The following NRCAM variants were observed in gnomAD, a reference collection of about 807,000 sequenced individuals.
The protein encoded by NRCAM is neuronal cell adhesion molecule.
NRCAM carries 83 observed loss-of-function variants against 156.5 expected under a neutral mutation model. The observed-to-expected ratio is 0.53, with a 90% CI of 0.44 to 0.64. The LOEUF (loss-of-function observed/expected upper bound fraction) is 0.64. NRCAM is among the 30% of genes least tolerant of loss of function. The probability of loss-of-function intolerance (pLI) is 0.00; values close to 1 mark genes in which losing one functional copy is unlikely to be tolerated. For missense variants in NRCAM, 1,417 were observed against 1,597.3 expected, an observed-to-expected ratio of 0.89 and a Z score of 1.92; for synonymous variants, 538 against 563.9, an observed-to-expected ratio of 0.95 and a Z score of 0.65.
At chr7:108,450,111 T>G (rs1419391994) in intron 1 of NRCAM, among the ~76,000 whole-genome samples, 1 of 152,182 alleles carries the variant, frequency 6.6e-6, no homozygotes, top group Non-Finnish European at 1.5e-5. Context: ...TAAACCATGT[T>G]TTAGTCCAGG....
chr7:108,172,630 CCAAT>C (rs1370692659), intron 28 of NRCAM, among the ~76,000 whole-genome samples: 1 of 152,112 alleles, frequency 6.6e-6, no homozygotes, highest in Admixed American at 6.6e-5. Flanking sequence ...AAAAAATATG[CCAAT>C]CAACTATAAT....
chr7:108,246,858 T>C (rs1039125813), intron 3 of NRCAM, among the ~76,000 whole-genome samples: 3 of 152,246 alleles, frequency 2.0e-5, no homozygotes, highest in African/African-American at 4.8e-5. Flanking sequence ...CCAGTATCCA[T>C]GCCCTTGCAT....
chr7:108,397,195 A>C (rs1342435748), intron 2 of NRCAM, among the ~76,000 whole-genome samples: 1 of 152,180 alleles, frequency 6.6e-6, no homozygotes, highest in Non-Finnish European at 1.5e-5. Context: ...TAAGTTACTT[A>C]ATTTTGCCTC....
At chr7:108,236,200 A>C (rs1343365858) in intron 5 of NRCAM, among the ~76,000 whole-genome samples, 4 of 152,094 alleles carry the variant, frequency 2.6e-5, no homozygotes, top group Admixed American at 2.0e-4. Context: ...CAGTCTTATA[A>C]ATCTATAAAC....
In NRCAM at chr7:108,181,911, G is replaced by T; in HGVS notation, c.2557C>A (p.Arg853Ser). 1 of 1,613,962 alleles carries T rather than the reference G, an allele frequency of 6.2e-7. No homozygotes were observed. Among genetic ancestry groups the T allele is most frequent in the Non-Finnish European group, 8.5e-7 (1 of 1,179,898 alleles). The change falls in exon 24 of 33, where the codon CGT (arginine) becomes AGT (serine). Residue 853 changes from arginine (R) to serine (S), a missense_variant. Arg to Ser is a moderately radical substitution (Grantham distance 110). Around this residue, in one of 2 missense-constraint regions of NRCAM, gnomAD observed 1,238 missense variants for 1,336.4 expected, o/e 0.93. Coordinates refer to ENST00000379028, the MANE Select transcript of NRCAM (RefSeq NM_001037132.4). ...DLPMVAPGNV[R>S]VNVVNSTLAE... ...AAGGTACTGTTCACCACATTCACACGCACGTTCCCAGGAGCCACCATTGGG... is the reference window on the plus strand; with the variant it reads ...AAGGTACTGTTCACCACATTCACACTCACGTTCCCAGGAGCCACCATTGGG...
intron 18 of NRCAM, 62 bp from the exon 19 acceptor site, chr7:108,191,345 G>T: frequency 2.4e-6 from 3 of 1,241,630 alleles, no homozygotes; most frequent in Non-Finnish European, 3.4e-6. Context: ...ATACAAGATA[G>T]CACAAGATGA....
intron 3 of NRCAM, among the ~76,000 whole-genome samples, chr7:108,274,706 C>T (rs1342005569): frequency 1.3e-5 from 2 of 152,198 alleles, no homozygotes; most frequent in African/African-American, 4.8e-5. Flanking sequence ...TTGACTTCCT[C>T]TTTTCCTAAT....
intron 23 of NRCAM, 98 bp from the exon 24 acceptor site, chr7:108,182,035 G>A: frequency 1.2e-6 from 1 of 802,774 alleles, no homozygotes; most frequent in Admixed American, 2.1e-5. Flanking sequence ...GAAGCATACT[G>A]CAGACCTATT....
intron 24 of NRCAM, among the ~76,000 whole-genome samples, chr7:108,180,671 G>A (rs1239818380): frequency 6.6e-6 from 1 of 152,188 alleles, no homozygotes. Flanking sequence ...AGGAGTCTAA[G>A]GAAAATGAAA....
chr7:108,234,889 C>A (rs1176453459), intron 5 of NRCAM: 1 of 726,750 alleles, frequency 1.4e-6, no homozygotes, highest in Admixed American at 1.8e-5. Context: ...GTTTAACTTT[C>A]TTTCGGTAAC....
chr7:108,317,769 C>T (rs368154615), intron 2 of NRCAM, among the ~76,000 whole-genome samples: 7 of 151,770 alleles, frequency 4.6e-5, no homozygotes, highest in African/African-American at 1.7e-4. Context: ...ATTAGTTGGA[C>T]GTGGTGGCGG....
intron 3 of NRCAM, among the ~76,000 whole-genome samples, chr7:108,271,278 T>C (rs1314089005): frequency 1.3e-5 from 2 of 152,144 alleles, no homozygotes; most frequent in African/African-American, 4.8e-5. Flanking sequence ...CAGGCAAATA[T>C]GCTAGAAAAG....
intron 7 of NRCAM, 101 bp downstream of exon 7, chr7:108,232,225 T>C: frequency 2.4e-6 from 2 of 839,792 alleles, no homozygotes; most frequent in South Asian, 1.9e-5. Context: ...TTGGAAGCAA[T>C]GCCACTGCTT....
chr7:108,240,469 G>A lies in NRCAM; in HGVS notation c.-106-299C>T, dbSNP rs28584470. 5.3e-3 allele frequency among the ~76,000 whole-genome samples: 810 copies of A among 152,252 alleles called. 8 individuals carry two copies. Among genetic ancestry groups the A allele is most frequent in the African/African-American group, 0.019 (770 of 41,554 alleles). ...AGAGGCTATCGTGTCTTTCCCAACAGATCAGGAAAACTTGGCTTTTAAGCT... is the reference window on the plus strand; with the variant it reads ...AGAGGCTATCGTGTCTTTCCCAACAAATCAGGAAAACTTGGCTTTTAAGCT... On this transcript the variant is annotated intron_variant, in intron 3 of 32. Coordinates refer to ENST00000379028, the MANE Select transcript of NRCAM (RefSeq NM_001037132.4).
chr7:108,412,381 C>T (rs1421348890), intron 1 of NRCAM, among the ~76,000 whole-genome samples: 1 of 137,084 alleles, frequency 7.3e-6, no homozygotes, highest in Admixed American at 7.8e-5. Flanking sequence ...TAACTCCTTC[C>T]TCTTTTCCCC....
At chr7:108,393,667 G>C (rs1441416804) in intron 2 of NRCAM, among the ~76,000 whole-genome samples, 1 of 152,138 alleles carries the variant, frequency 6.6e-6, no homozygotes, top group Non-Finnish European at 1.5e-5. Context: ...ACCGTCTTCT[G>C]TGTCGCTCAA....
chr7:108,395,904 G>A (rs146722684), intron 2 of NRCAM, among the ~76,000 whole-genome samples: 40 of 152,168 alleles, frequency 2.6e-4, no homozygotes, highest in African/African-American at 8.9e-4. Flanking sequence ...CTCCCCTTTC[G>A]CAGCCATCAT....
At chr7:108,422,885 C>T (rs967890233) in intron 1 of NRCAM, among the ~76,000 whole-genome samples, 1 of 152,154 alleles carries the variant, frequency 6.6e-6, no homozygotes, top group Non-Finnish European at 1.5e-5. Context: ...CCCTGACTCC[C>T]ACCTTCCCTG....
chr7:108,365,146 TA>T lies in NRCAM; in HGVS notation c.-174+34289del, dbSNP rs554877358. The stretch of plus-strand genomic sequence containing the variant: ...CTGATAATTTAGCATTTAACATATA[TA>T]TATTTTTAGCATTTAATATACATTA... On this transcript the variant is annotated intron_variant, in intron 2 of 32. Transcript: ENST00000379028. Among the ~76,000 whole-genome samples, 13 of 152,286 alleles carry T rather than the reference TA, an allele frequency of 8.5e-5. No individual in the cohort carries two copies. The South Asian group carries it at 2.5e-3, about 29-fold the overall frequency.
Sources: allele counts gnomAD v4.1 joint callset (sites outside exome capture counted in the v4.1 genomes callset), GRCh38; gene constraint gnomAD v4.1.1; regional missense constraint gnomAD v4.1.1; transcripts MANE v1.5; gene names NCBI Gene and HGNC (gene_info 2026-07-23, HGNC 2026-07-21).